Variants in RABGAP1L observed in about 807,000 individuals in gnomAD.
RABGAP1L encodes the protein RAB GTPase activating protein 1 like.
In RABGAP1L, 63 loss-of-function variants were observed where a neutral mutation model predicts 137.7. The ratio of observed to expected loss-of-function variants is 0.46; its 90% CI spans 0.37 to 0.56. RABGAP1L has a LOEUF of 0.56. RABGAP1L is among the 20% of genes least tolerant of loss of function. RABGAP1L has a pLI of 0.00. For synonymous variants in RABGAP1L, 431 were observed against 433.7 expected, an observed-to-expected ratio of 0.99 and a Z score of 0.08; for missense variants, 1,095 against 1,244.0, an observed-to-expected ratio of 0.88 and a Z score of 1.80.
intron 19 of RABGAP1L, among the ~76,000 whole-genome samples, chr1:174,876,672 G>A (rs866695565): frequency 3.0e-4 from 45 of 152,216 alleles, no homozygotes; most frequent in African/African-American, 1.0e-3. Flanking sequence ...TAGCCTTAAA[G>A]ATAAAAGATG....
At chr1:174,962,366 G>A (rs1669230858) in intron 20 of RABGAP1L, among the ~76,000 whole-genome samples, 1 of 152,034 alleles carries the variant, frequency 6.6e-6, no homozygotes, top group African/African-American at 2.4e-5. Context: ...TCTAATTGAA[G>A]TGTCTTATCC....
intron 19 of RABGAP1L, among the ~76,000 whole-genome samples, chr1:174,827,839 A>G (rs1691743021): frequency 6.8e-6 from 1 of 147,770 alleles, no homozygotes; most frequent in Admixed American, 6.8e-5. Flanking sequence ...CTGCTTTTAT[A>G]TTGTATCCTA....
intron 19 of RABGAP1L, among the ~76,000 whole-genome samples, chr1:174,930,588 A>G (rs1437320210): frequency 6.6e-6 from 1 of 152,176 alleles, no homozygotes; most frequent in Admixed American, 6.5e-5. Flanking sequence ...AAGTGCTGGG[A>G]TTATAGGCAT....
At chr1:174,399,919 G>C (rs1003055285) in intron 13 of RABGAP1L, among the ~76,000 whole-genome samples, 2 of 152,158 alleles carry the variant, frequency 1.3e-5, no homozygotes, top group African/African-American at 4.8e-5. Context: ...ATTCAAATGA[G>C]ATTTGGGTAG....
intron 13 of RABGAP1L, among the ~76,000 whole-genome samples, chr1:174,569,059 A>G (rs950866366): frequency 1.3e-5 from 2 of 152,220 alleles, no homozygotes; most frequent in African/African-American, 4.8e-5. Flanking sequence ...ATAGATGAGA[A>G]ATCAAGGACA....
chr1:174,803,349 A>C (rs1488737337), intron 18 of RABGAP1L, among the ~76,000 whole-genome samples: 1 of 152,220 alleles, frequency 6.6e-6, no homozygotes, highest in East Asian at 1.9e-4. Flanking sequence ...CATTTTAGAT[A>C]TTACCACAAG....
At chr1:174,827,425 G>GTCCCTTTCTCCAGC (rs1465581835) in intron 19 of RABGAP1L, among the ~76,000 whole-genome samples, 8 of 149,540 alleles carry the variant, frequency 5.3e-5, no homozygotes, top group South Asian at 2.2e-4. Flanking sequence ...GATACTGGAG[G>GTCCCTTTCTCCAGC]TACTGGGAGT....
At chr1:174,924,956 ATAGGG>A (rs1662461849) in intron 19 of RABGAP1L, among the ~76,000 whole-genome samples, 1 of 152,172 alleles carries the variant, frequency 6.6e-6, no homozygotes, top group Admixed American at 6.5e-5. Context: ...GCAGTGTTAA[ATAGGG>A]TAGTAAGGGT....
chr1:174,688,500 G>A (rs989363445), intron 15 of RABGAP1L, among the ~76,000 whole-genome samples: 1 of 151,856 alleles, frequency 6.6e-6, no homozygotes, highest in African/African-American at 2.4e-5. Context: ...AATTCCTTTC[G>A]AAACCAATTT....
chr1:174,378,006 A>G (rs200533643), intron 12 of RABGAP1L, among the ~76,000 whole-genome samples: 14,765 of 134,780 alleles, frequency 0.11, 895 homozygotes, highest in East Asian at 0.22. Context: ...TCATTGTTCA[A>G]TTCTCACCTA....
At chr1:174,824,184 G>A (rs925517279) in intron 19 of RABGAP1L, among the ~76,000 whole-genome samples, 3 of 152,140 alleles carry the variant, frequency 2.0e-5, no homozygotes, top group African/African-American at 7.2e-5. Flanking sequence ...CAGCTACTAG[G>A]GAGGCTGGGG....
chr1:174,512,498 GC>G (rs1662440357), intron 13 of RABGAP1L, among the ~76,000 whole-genome samples: 1 of 152,156 alleles, frequency 6.6e-6, no homozygotes, highest in Admixed American at 6.6e-5. Context: ...GAGTGTTTAA[GC>G]CCATACTAAA....
At chr1:174,863,395 C>T (rs1010752901) in intron 19 of RABGAP1L, among the ~76,000 whole-genome samples, 7 of 151,888 alleles carry the variant, frequency 4.6e-5, no homozygotes, top group African/African-American at 1.2e-4. Context: ...TTTTCTGGGC[C>T]GGGCGCAGTG....
chr1:174,600,054 G>A (rs1670295921), intron 13 of RABGAP1L, among the ~76,000 whole-genome samples: 1 of 152,158 alleles, frequency 6.6e-6, no homozygotes, highest in Non-Finnish European at 1.5e-5. Flanking sequence ...GGCTGAGGAG[G>A]CCTCAGAATC....
intron 24 of RABGAP1L, among the ~76,000 whole-genome samples, chr1:174,988,068 C>A (rs1267944296): frequency 6.6e-6 from 1 of 152,198 alleles, no homozygotes; most frequent in African/African-American, 2.4e-5. Flanking sequence ...CTTGGACTCC[C>A]AAAGTGCTGG....
chr1:174,172,214 GTGTA>G (rs71117556), intron 1 of RABGAP1L, among the ~76,000 whole-genome samples: 2,231 of 139,850 alleles, frequency 0.016, 35 homozygotes, highest in African/African-American at 0.04. Context: ...GTGTGTGTGT[GTGTA>G]TATATGCCAC....
At chr1:174,596,631 T>C (rs1669949990) in intron 13 of RABGAP1L, among the ~76,000 whole-genome samples, 1 of 152,208 alleles carries the variant, frequency 6.6e-6, no homozygotes, top group African/African-American at 2.4e-5. Flanking sequence ...TCTTTAGGTT[T>C]TTCTAAATAT....
chr1:174,389,164 A>T (rs1236424301), intron 12 of RABGAP1L, among the ~76,000 whole-genome samples: 2 of 152,028 alleles, frequency 1.3e-5, no homozygotes, highest in Non-Finnish European at 2.9e-5. Context: ...TTTTCTTGAA[A>T]CATTTCTTAA....
chr1:174,803,426 G>A (rs1297143949), intron 18 of RABGAP1L, among the ~76,000 whole-genome samples: 1 of 152,134 alleles, frequency 6.6e-6, no homozygotes, highest in Non-Finnish European at 1.5e-5. Context: ...ACTGAAACAG[G>A]AGATGCAAAC....
Sources: gnomAD v4.1 joint callset for allele counts (sites outside exome capture counted in the v4.1 genomes callset) on GRCh38, gnomAD v4.1.1 for gene constraint, MANE v1.5 for transcripts, NCBI Gene and HGNC (gene_info 2026-07-23, HGNC 2026-07-21) for gene names.